RXFP2: variants seen among roughly 807,000 people sequenced by gnomAD.
RXFP2 encodes the protein relaxin receptor 2.
In RXFP2, 68 loss-of-function variants were observed where a neutral mutation model predicts 88.6. The observed-to-expected ratio is 0.77, with a 90% confidence interval of 0.63 to 0.94. The LOEUF (loss-of-function observed/expected upper bound fraction) is 0.94, where lower values mean the gene tolerates loss of function less well. Among genes scored for constraint, RXFP2 ranks in the 40% least tolerant of loss-of-function variants. The pLI, the probability that RXFP2 is intolerant of heterozygous loss-of-function variation, is 0.00. For missense variants in RXFP2, 791 were observed against 893.9 expected (o/e 0.88, Z 1.47); for synonymous variants, 329 against 306.8 (o/e 1.07, Z -0.76).
intron 1 of RXFP2, among the ~76,000 whole-genome samples, chr13:31,742,317 A>T (rs1593441354): frequency 6.6e-6 from 1 of 152,214 alleles, no homozygotes; most frequent in African/African-American, 2.4e-5. Flanking sequence ...GACTCAAGGC[A>T]TGCCTGGCAT....
At chr13:31,775,060 C>T (rs1593460445) in intron 6 of RXFP2, among the ~76,000 whole-genome samples, 4 of 152,306 alleles carry the variant, frequency 2.6e-5, no homozygotes, top group Non-Finnish European at 5.9e-5. Flanking sequence ...TATACCCTTA[C>T]AATCTAACAT....
intron 16 of RXFP2, 49 bp downstream of exon 16, chr13:31,793,137 T>C: frequency 1.4e-6 from 2 of 1,472,440 alleles, no homozygotes; most frequent in Non-Finnish European, 1.9e-6. Flanking sequence ...TTGCTAGAAA[T>C]ACGTTAAATT....
chr13:31,755,550 C>G (rs530195405), intron 1 of RXFP2, among the ~76,000 whole-genome samples: 2 of 152,106 alleles, frequency 1.3e-5, no homozygotes, highest in African/African-American at 4.8e-5. Flanking sequence ...TAAAAAATTT[C>G]TAAGCCACCA....
intron 17 of RXFP2, 52 bp downstream of exon 17, chr13:31,797,471 C>A (rs779332395): frequency 7.5e-7 from 1 of 1,329,114 alleles, no homozygotes; most frequent in South Asian, 1.2e-5. Context: ...TTCTTACGTC[C>A]TTCTTTTGAC....
chr13:31,779,274 C>T (rs1241695582), intron 9 of RXFP2, among the ~76,000 whole-genome samples: 1 of 151,998 alleles, frequency 6.6e-6, no homozygotes, highest in Non-Finnish European at 1.5e-5. Flanking sequence ...TACAGGCATG[C>T]ACCACCAGGC....
chr13:31,758,825 G>A (rs751272901), intron 2 of RXFP2, among the ~76,000 whole-genome samples: 16 of 152,098 alleles, frequency 1.1e-4, no homozygotes, highest in Non-Finnish European at 1.8e-4. Context: ...CTCACCTGAG[G>A]TCAGGAGTTC....
At chr13:31,787,941 A>G (rs1185360157) in intron 13 of RXFP2, among the ~76,000 whole-genome samples, 1 of 152,204 alleles carries the variant, frequency 6.6e-6, no homozygotes, top group Admixed American at 6.5e-5. Flanking sequence ...GTGCCTGCCC[A>G]GTCTTTCTTT....
At chr13:31,767,973 G>A (rs1423904961) in intron 5 of RXFP2, among the ~76,000 whole-genome samples, 1 of 152,064 alleles carries the variant, frequency 6.6e-6, no homozygotes, top group African/African-American at 2.4e-5. Context: ...GTCCTTCCTT[G>A]GTCTATTAAC....
At chr13:31,786,750 C>T in intron 13 of RXFP2, 113 bp downstream of exon 13, 1 of 708,002 alleles carries the variant, frequency 1.4e-6, no homozygotes, top group African/African-American at 1.8e-5. Context: ...AGACAACTGT[C>T]TGAATCACAG....
At chr13:31,800,002 C>T (rs1874254531) in intron 17 of RXFP2, among the ~76,000 whole-genome samples, 1 of 152,188 alleles carries the variant, frequency 6.6e-6, no homozygotes, top group South Asian at 2.1e-4. Flanking sequence ...CTTGTGGAAA[C>T]ATTATTGAGC....
Position 31,764,990 on chromosome 13 carries a change from T to G in RXFP2, c.320-47T>G, listed in dbSNP as rs751346013. The stretch of plus-strand genomic sequence containing the variant: ...CAGTTATTAAAGGCAAAGTCATAAT[T>G]AATGTATTTGTTTACTAGTGAAATC... On this transcript the variant is annotated intron_variant, in intron 3 of 17. Coordinates refer to ENST00000298386, the MANE Select transcript of RXFP2 (RefSeq NM_130806.5). 43 of 992,756 alleles carry G rather than the reference T, an allele frequency of 4.3e-5. No individual in the cohort carries two copies. The African/African-American group carries it at 6.0e-4, about 14-fold the overall frequency. 61.5% of individuals were successfully genotyped at this position (992,756 alleles called of 1,614,324 possible).
chr13:31,795,047 T>C (rs955230918), intron 16 of RXFP2, among the ~76,000 whole-genome samples: 3 of 152,168 alleles, frequency 2.0e-5, no homozygotes, highest in African/African-American at 7.2e-5. Context: ...ATAGTTTTCA[T>C]TTTAGGAAAG....
chr13:31,757,771 T>C (rs1872026015), intron 1 of RXFP2, among the ~76,000 whole-genome samples: 1 of 152,112 alleles, frequency 6.6e-6, no homozygotes. Flanking sequence ...TTGATATAGC[T>C]GATGTTGGGT....
intron 5 of RXFP2, among the ~76,000 whole-genome samples, chr13:31,770,793 C>T (rs1872707626): frequency 1.3e-5 from 2 of 152,276 alleles, no homozygotes; most frequent in Middle Eastern, 3.4e-3. Flanking sequence ...GACCACCATA[C>T]CCTCCTCATG....
intron 9 of RXFP2, among the ~76,000 whole-genome samples, chr13:31,780,519 A>G (rs1873216611): frequency 6.6e-6 from 1 of 152,230 alleles, no homozygotes; most frequent in Non-Finnish European, 1.5e-5. Context: ...AATCTCCAAG[A>G]TAGTTTTAAA....
rs765401204 is a variant in RXFP2 at position 31,775,405 on chromosome 13, C to A, written c.641+16C>A. 1 of 1,551,596 alleles carries A rather than the reference C, an allele frequency of 6.4e-7. No homozygotes were observed. The highest frequency in any genetic ancestry group is 1.7e-5 in the Admixed American group (1 of 59,886). ...TAACTTGGCTGTAAGTACTCTAATT[C>A]TTCTTTCTCCCATAGAGGATCATAG... is the stretch of plus-strand genomic sequence containing the variant. On this transcript the variant is annotated intron_variant, in intron 7 of 17. Transcript: ENST00000298386.
chr13:31,776,098 T>TTCTTTCCTTCC (rs1872943278), intron 7 of RXFP2, among the ~76,000 whole-genome samples: 1 of 27,378 alleles, frequency 3.7e-5, no homozygotes, highest in African/African-American at 1.6e-4. Flanking sequence ...CTTTCTTTCT[T>TTCTTTCCTTCC]TTCTTTTCTT....
intron 1 of RXFP2, among the ~76,000 whole-genome samples, chr13:31,741,902 T>A (rs1044378763): frequency 2.6e-5 from 4 of 152,086 alleles, no homozygotes; most frequent in African/African-American, 9.7e-5. Context: ...ACTTGGTAAC[T>A]ACCAATTGTG....
chr13:31,786,272 T>C, intron 11 of RXFP2, 111 bp from the exon 12 acceptor site: 2 of 855,198 alleles, frequency 2.3e-6, no homozygotes, highest in Non-Finnish European at 4.0e-6. Context: ...GTTGGTTAAA[T>C]TGGATTCATA....
Sources: allele counts gnomAD v4.1 joint callset (sites outside exome capture counted in the v4.1 genomes callset), GRCh38; gene constraint gnomAD v4.1.1; transcripts MANE v1.5; gene names NCBI Gene and HGNC (gene_info 2026-07-23, HGNC 2026-07-21).